FGF13: variants seen among roughly 807,000 people sequenced by gnomAD.
The protein encoded by FGF13 is fibroblast growth factor 13, also known as fibroblast growth factor homologous factor 2.
FGF13 carries 2 observed loss-of-function variants against 19.5 expected under a neutral mutation model. The ratio of observed to expected loss-of-function variants is 0.10; its 90% confidence interval spans 0.04 to 0.32. The LOEUF is 0.32. FGF13 is among the 10% of genes least tolerant of loss of function. The pLI is 1.00. For synonymous variants in FGF13, 72 were observed against 76.9 expected, an observed-to-expected ratio of 0.94 and a Z score of 0.33; for missense variants, 113 against 192.7, an observed-to-expected ratio of 0.59 and a Z score of 2.45.
intron 1 of FGF13, among the ~76,000 whole-genome samples, chrX:138,959,635 A>G (rs1603071054): frequency 9.0e-6 from 1 of 111,370 alleles, no homozygotes; most frequent in South Asian, 3.8e-4. Flanking sequence ...AAAGTCTCCC[A>G]TTATTATTGT....
At chrX:139,036,142 A>T (rs1465188131) in intron 1 of FGF13, among the ~76,000 whole-genome samples, 2 of 112,096 alleles carry the variant, frequency 1.8e-5, no homozygotes, top group Non-Finnish European at 3.8e-5. Flanking sequence ...GACCTTTGCC[A>T]ATGCAACAGA....
intron 1 of FGF13, among the ~76,000 whole-genome samples, chrX:138,922,321 T>C (rs1409210080): frequency 8.9e-6 from 1 of 111,944 alleles, no homozygotes; most frequent in African/African-American, 3.2e-5. Flanking sequence ...ACAAGGCTTA[T>C]ATCCGAAATC....
At chrX:139,032,580 A>G (rs1316479394) in intron 1 of FGF13, among the ~76,000 whole-genome samples, 1 of 111,345 alleles carries the variant, frequency 9.0e-6, no homozygotes, top group Non-Finnish European at 1.9e-5. Context: ...TCTGAGAAGG[A>G]AAGAGAAAAA....
intron 1 of FGF13, among the ~76,000 whole-genome samples, chrX:139,173,912 T>C (rs1031257341): frequency 8.9e-6 from 1 of 112,121 alleles, no homozygotes; most frequent in Admixed American, 9.4e-5. Flanking sequence ...ATTGGGTATA[T>C]ACCCAGCAAT....
intron 3 of FGF13, among the ~76,000 whole-genome samples, chrX:138,688,491 CAAAGA>C (rs2089807414): frequency 9.0e-6 from 1 of 111,551 alleles, no homozygotes; most frequent in Admixed American, 9.5e-5. Flanking sequence ...ATTCCCAACA[CAAAGA>C]ATAGAGAAAT....
chrX:138,808,301 T>C (rs1291831245), intron 3 of FGF13, among the ~76,000 whole-genome samples: 1 of 111,673 alleles, frequency 9.0e-6, no homozygotes, highest in Non-Finnish European at 1.9e-5. Flanking sequence ...TCAAAACCGC[T>C]CAACTGCAAG....
intron 1 of FGF13, among the ~76,000 whole-genome samples, chrX:138,946,958 G>A (rs2091784632): frequency 8.9e-6 from 1 of 112,278 alleles, no homozygotes; most frequent in Non-Finnish European, 1.9e-5. Context: ...GTACTGTAAA[G>A]CAATTTGTTG....
intron 1 of FGF13, among the ~76,000 whole-genome samples, chrX:139,154,726 G>A (rs1248857528): frequency 9.0e-6 from 1 of 111,625 alleles, no homozygotes; most frequent in African/African-American, 3.3e-5. Context: ...CTGGCTCTGC[G>A]CTCATTTAAG....
chrX:138,841,327 A>T (rs2091148506), intron 3 of FGF13, among the ~76,000 whole-genome samples: 1 of 111,030 alleles, frequency 9.0e-6, no homozygotes, highest in Non-Finnish European at 1.9e-5. Context: ...ACCTCCCCTC[A>T]AGCTCAACCA....
rs763499497 is a variant in FGF13, at chrX:138,710,823, T to G, written c.181A>C (p.Arg61=). 1.3e-5 allele frequency: 16 copies of G among 1,210,997 alleles called. No individual in the cohort carries two copies. Among genetic ancestry groups the G allele is most frequent in the East Asian group, 5.9e-5 (2 of 33,783 alleles). Residue 61 remains arginine (R), a synonymous_variant, in exon 1 of 5, where the codon AGA becomes CGA. Transcript: ENST00000315930. ...AGCAAAAGCCCTTTCCGACCTGGTC[T>G]TCTTCTGCGCCTCTTCTTGGAGCCG... ...LFGSKKRRRR[R]PEPQLKGIVT... is the part of the protein sequence containing the mutation.
chrX:138,823,287 T>G (rs2091011787), intron 3 of FGF13, among the ~76,000 whole-genome samples: 1 of 111,302 alleles, frequency 9.0e-6, no homozygotes, highest in Admixed American at 9.5e-5. Flanking sequence ...CCAGCCCGCC[T>G]GCGCACTAGG....
At chrX:138,926,260 A>G (rs909302588) in intron 1 of FGF13, among the ~76,000 whole-genome samples, 2 of 112,125 alleles carry the variant, frequency 1.8e-5, no homozygotes, top group African/African-American at 6.5e-5. Flanking sequence ...TTCCACAAAA[A>G]TATAATAATG....
At chrX:138,652,366 T>A (rs1212946399) in intron 3 of FGF13, among the ~76,000 whole-genome samples, 3 of 111,688 alleles carry the variant, frequency 2.7e-5, no homozygotes, top group Non-Finnish European at 5.6e-5. Context: ...GAAAACTATA[T>A]CTTTATTTGT....
intron 1 of FGF13, among the ~76,000 whole-genome samples, chrX:139,180,221 T>A (rs2084227879): frequency 8.9e-6 from 1 of 112,008 alleles, no homozygotes; most frequent in Non-Finnish European, 1.9e-5. Flanking sequence ...CAGCTTAGCT[T>A]TATATTTTAT....
intron 3 of FGF13, among the ~76,000 whole-genome samples, chrX:138,838,081 C>T (rs2091125026): frequency 8.9e-6 from 1 of 111,974 alleles, no homozygotes; most frequent in Non-Finnish European, 1.9e-5. Flanking sequence ...CTAAGTTGCC[C>T]AAACAGCAAA....
Position 138,618,772 on chromosome X carries a change from T to C in FGF13, c.*14078A>G, listed in dbSNP as rs1220148374. On this transcript the variant is annotated 3_prime_UTR_variant, in exon 5 of 5. Coordinates refer to ENST00000315930, the MANE Select transcript of FGF13 (RefSeq NM_004114.5). Reference sequence around the variant, plus strand: ...AACTTGAGCACTTCAGGGCACCACGTTAGAGAAAACAAATGGGAAACTCTC... The same window carrying C: ...AACTTGAGCACTTCAGGGCACCACGCTAGAGAAAACAAATGGGAAACTCTC... The C allele has an allele frequency of 2.7e-5, 3 of 111,565 alleles. No homozygotes were observed. The highest frequency in any genetic ancestry group is 9.5e-5 in the Admixed American group (1 of 10,489). 9.2% of individuals were successfully genotyped at this position (111,565 alleles called of 1,213,427 possible).
At chrX:138,834,121 T>A (rs1224083908) in intron 3 of FGF13, among the ~76,000 whole-genome samples, 3 of 112,049 alleles carry the variant, frequency 2.7e-5, no homozygotes, top group African/African-American at 9.7e-5. Context: ...TTTTTTGTTG[T>A]ATCTCTGCCA....
At chrX:139,193,388 A>G (rs2084347651) in intron 1 of FGF13, among the ~76,000 whole-genome samples, 1 of 112,402 alleles carries the variant, frequency 8.9e-6, no homozygotes, top group Non-Finnish European at 1.9e-5. Flanking sequence ...GATGATAAGC[A>G]TTGTCATTAC....
intron 1 of FGF13, among the ~76,000 whole-genome samples, chrX:138,918,096 T>G (rs1359922491): frequency 9.1e-6 from 1 of 110,302 alleles, no homozygotes; most frequent in African/African-American, 3.3e-5. Context: ...CAACAGATAG[T>G]TTAACCATTT....
Sources: allele counts gnomAD v4.1 joint callset (sites outside exome capture counted in the v4.1 genomes callset), GRCh38; gene constraint gnomAD v4.1.1; transcripts MANE v1.5; gene names NCBI Gene and HGNC (gene_info 2026-07-23, HGNC 2026-07-21).